Variants in ADRA1B observed in about 807,000 individuals in gnomAD.
ADRA1B encodes the protein adrenoceptor alpha 1B, also known as alpha-1B adrenergic receptor.
Under a neutral mutation model 17.9 loss-of-function variants are expected in ADRA1B, and 17 were observed. The observed-to-expected ratio is 0.95, with a 90% CI of 0.65 to 1.42. The LOEUF (loss-of-function observed/expected upper bound fraction) is 1.42, where lower values mean the gene tolerates loss of function less well. Among genes scored for constraint, ADRA1B ranks in the 40% most tolerant of loss-of-function variants. The pLI is 0.00. For missense variants in ADRA1B, 681 were observed against 722.1 expected, an observed-to-expected ratio of 0.94 and a Z score of 0.65; for synonymous variants, 366 against 327.6, an observed-to-expected ratio of 1.12 and a Z score of -1.27.
chr5:159,913,670 C>A (rs80257013), upstream of ADRA1B, among the ~76,000 whole-genome samples: 1 of 151,358 alleles, frequency 6.6e-6, no homozygotes, highest in Non-Finnish European at 1.5e-5. Flanking sequence ...CTTTTTTTTT[C>A]ATCCTGGCCT....
At chr5:159,893,738 G>A (rs1754011164) in intron 1 of ADRA1B, among the ~76,000 whole-genome samples, 1 of 152,210 alleles carries the variant, frequency 6.6e-6, no homozygotes, top group South Asian at 2.1e-4. Flanking sequence ...GGGCAGACAG[G>A]CAGTCGGGGG....
At chr5:159,884,525 G>T (rs1323396984) in intron 1 of ADRA1B, among the ~76,000 whole-genome samples, 2 of 152,062 alleles carry the variant, frequency 1.3e-5, no homozygotes, top group Non-Finnish European at 2.9e-5. Context: ...CCAGATTCAG[G>T]CCCCTTGATC....
intron 1 of ADRA1B, among the ~76,000 whole-genome samples, chr5:159,925,235 G>A (rs1754611665): frequency 6.6e-6 from 1 of 152,204 alleles, no homozygotes. Flanking sequence ...GCATGTGGCT[G>A]CCCGTCATTC....
At chr5:159,930,722 A>G (rs1299907981) in intron 1 of ADRA1B, among the ~76,000 whole-genome samples, 4 of 152,168 alleles carry the variant, frequency 2.6e-5, no homozygotes, top group Non-Finnish European at 5.9e-5. Context: ...TAGTTTAGTT[A>G]CCTCAAGGGA....
chr5:159,927,183 C>T lies in ADRA1B; in HGVS notation c.949+9329C>T, dbSNP rs138823477. Among the ~76,000 whole-genome samples the T allele has an allele frequency of 3.3e-3, 501 of 152,146 alleles. 2 individuals are homozygous for T. The highest frequency in any genetic ancestry group is 8.5e-3 in the Admixed American group (130 of 15,282). Reference sequence around the variant, plus strand: ...GCCTCTGGGGGAGATTGTCCCATTGCCAATTGGCCCTTACATTCCCTCACC... The same window carrying T: ...GCCTCTGGGGGAGATTGTCCCATTGTCAATTGGCCCTTACATTCCCTCACC... On this transcript the variant is annotated intron_variant, in intron 1 of 1. Transcript: ENST00000306675.
downstream of ADRA1B, among the ~76,000 whole-genome samples, chr5:159,973,373 G>T (rs1755923039): frequency 6.6e-6 from 1 of 152,130 alleles, no homozygotes. Context: ...GCAATGTCTG[G>T]CTTGGTCCTG....
intron 1 of ADRA1B, among the ~76,000 whole-genome samples, chr5:159,947,019 G>A (rs191343597): frequency 1.1e-4 from 17 of 152,184 alleles, no homozygotes; most frequent in Middle Eastern, 3.4e-3. Flanking sequence ...TTTGAGGATG[G>A]CATAATTGTT....
chr5:159,871,432 A>C (rs1298500861), intron 1 of ADRA1B: 1 of 152,128 alleles, frequency 6.6e-6, no homozygotes, highest in Non-Finnish European at 1.5e-5. Flanking sequence ...AAGTCTAAAA[A>C]TCAAGGGGTC....
intron 1 of ADRA1B, among the ~76,000 whole-genome samples, chr5:159,918,078 A>G (rs1443006720): frequency 6.6e-6 from 1 of 152,254 alleles, no homozygotes; most frequent in Non-Finnish European, 1.5e-5. Context: ...TTCTGGAAAT[A>G]GAACCAGGGA....
At chr5:159,961,147 G>A (rs542565853) in intron 1 of ADRA1B, among the ~76,000 whole-genome samples, 4 of 152,290 alleles carry the variant, frequency 2.6e-5, no homozygotes, top group South Asian at 2.1e-4. Context: ...ATTATTAAAC[G>A]AGTAAAAACC....
At chr5:159,952,235 CTA>C (rs1178028070) in intron 1 of ADRA1B, among the ~76,000 whole-genome samples, 1 of 152,010 alleles carries the variant, frequency 6.6e-6, no homozygotes, top group Non-Finnish European at 1.5e-5. Flanking sequence ...CCTATATACA[CTA>C]TGTTTTTCCA....
At chr5:159,905,969 G>T (rs756069698) in intron 1 of ADRA1B, among the ~76,000 whole-genome samples, 71 of 151,736 alleles carry the variant, frequency 4.7e-4, no homozygotes, top group Admixed American at 3.9e-4. Flanking sequence ...CAGTTCTCCT[G>T]TCAGCCTCCC....
intron 1 of ADRA1B, chr5:159,869,277 A>G (rs1753705790): frequency 6.6e-6 from 1 of 152,202 alleles, no homozygotes; most frequent in Non-Finnish European, 1.5e-5. Context: ...GCCTCAGTTT[A>G]ACAGGTATAG....
intron 1 of ADRA1B, among the ~76,000 whole-genome samples, chr5:159,919,440 T>A (rs1581033620): frequency 6.6e-6 from 1 of 152,236 alleles, no homozygotes; most frequent in East Asian, 1.9e-4. Flanking sequence ...CTTGGCCAAA[T>A]GACCACTCCT....
intron 1 of ADRA1B, among the ~76,000 whole-genome samples, chr5:159,879,260 A>G (rs780263474): frequency 9.9e-5 from 15 of 152,156 alleles, no homozygotes; most frequent in Non-Finnish European, 1.9e-4. Flanking sequence ...AAAGGGGCCC[A>G]GTGACTGACG....
chr5:159,883,295 T>C (rs1408944765), intron 1 of ADRA1B, among the ~76,000 whole-genome samples: 1 of 152,244 alleles, frequency 6.6e-6, no homozygotes, highest in African/African-American at 2.4e-5. Flanking sequence ...GATTCTTTTA[T>C]TTGACTCACA....
chr5:159,973,398 C>T (rs2113302791), downstream of ADRA1B, among the ~76,000 whole-genome samples: 1 of 152,260 alleles, frequency 6.6e-6, no homozygotes, highest in Non-Finnish European at 1.5e-5. Context: ...CTAGACCCAA[C>T]CCCAGCTGGG....
intron 1 of ADRA1B, among the ~76,000 whole-genome samples, chr5:159,894,409 C>T (rs1201384721): frequency 1.3e-5 from 2 of 152,154 alleles, no homozygotes; most frequent in East Asian, 1.9e-4. Flanking sequence ...CGCTCTACTC[C>T]GTAGAATCCA....
At chr5:159,958,309 T>C (rs1433715342) in intron 1 of ADRA1B, among the ~76,000 whole-genome samples, 1 of 152,178 alleles carries the variant, frequency 6.6e-6, no homozygotes, top group Non-Finnish European at 1.5e-5. Context: ...GTCTGTTTTT[T>C]CCCACCACTT....
Sources: gnomAD v4.1 joint callset for allele counts (sites outside exome capture counted in the v4.1 genomes callset) on GRCh38, gnomAD v4.1.1 for gene constraint, MANE v1.5 for transcripts, NCBI Gene and HGNC (gene_info 2026-07-23, HGNC 2026-07-21) for gene names.